The following RBM20 variants were observed in gnomAD, a reference collection of about 807,000 sequenced individuals.
RBM20 encodes RNA-binding protein 20.
RBM20 carries 51 observed loss-of-function variants against 110.1 expected under a neutral mutation model. The ratio of observed to expected loss-of-function variants is 0.46; its 90% CI spans 0.37 to 0.59. The LOEUF (loss-of-function observed/expected upper bound fraction) is 0.59, where lower values mean the gene tolerates loss of function less well. Ranked by LOEUF, RBM20 falls within the 20% of genes least tolerant of loss-of-function variation. The pLI, the probability that RBM20 is intolerant of heterozygous loss-of-function variation, is 0.00. For missense variants in RBM20, 1,512 were observed against 1,574.9 expected, an observed-to-expected ratio of 0.96 and a Z score of 0.68; for synonymous variants, 589 against 618.2, an observed-to-expected ratio of 0.95 and a Z score of 0.70.
chr10:110,800,836 T>C (rs1266857067), intron 7 of RBM20, among the ~76,000 whole-genome samples: 2 of 152,254 alleles, frequency 1.3e-5, no homozygotes, highest in Non-Finnish European at 2.9e-5. Context: ...CATGATGCCA[T>C]CCATGTTGTT....
At chr10:110,778,821 C>T (rs956598141) in intron 1 of RBM20, among the ~76,000 whole-genome samples, 7 of 152,236 alleles carry the variant, frequency 4.6e-5, no homozygotes, top group African/African-American at 1.7e-4. Flanking sequence ...AAAGTCTTTC[C>T]AGTTTCCAGA....
chr10:110,687,367 T>C (rs371771367), intron 1 of RBM20, among the ~76,000 whole-genome samples: 162 of 152,330 alleles, frequency 1.1e-3, no homozygotes, highest in African/African-American at 3.6e-3. Flanking sequence ...AATGATTAAG[T>C]TGGATGATGT....
intron 1 of RBM20, among the ~76,000 whole-genome samples, chr10:110,682,972 G>T (rs4918558): frequency 3.3e-5 from 5 of 152,092 alleles, no homozygotes; most frequent in Admixed American, 6.5e-5. Flanking sequence ...TTCCTCGCTT[G>T]TTTATTTATC....
In RBM20 at chr10:110,780,810, G is replaced by A. The variant is rs752370319; in HGVS notation, c.201G>A (p.Lys67=). The change falls in exon 2 of 14, where the codon AAG becomes AAA. Residue 67 remains lysine (K), a synonymous_variant. Coordinates refer to ENST00000369519, the MANE Select transcript of RBM20 (RefSeq NM_001134363.3). ...GLPQIIQNAA[K]LLDKNPFSVS... is the part of the protein sequence containing the mutation. ...CTCTGTCTTCCCACAGTGCCGCCAA[G>A]CTCCTGGACAAGAACCCATTCTCGG... 23 of 1,519,394 alleles carry A rather than the reference G, an allele frequency of 1.5e-5. No homozygotes were observed. In the South Asian group the frequency reaches 2.9e-4, roughly 19 times the overall value. 94.1% of individuals were successfully genotyped at this position (1,519,394 alleles called of 1,614,324 possible). A position where few individuals can be genotyped will look rare whatever the true frequency, so the allele number is the denominator to read the frequency against.
chr10:110,792,644 C>T (rs1205160347), intron 5 of RBM20, among the ~76,000 whole-genome samples: 1 of 152,198 alleles, frequency 6.6e-6, no homozygotes, highest in Non-Finnish European at 1.5e-5. Context: ...ATAAAACACA[C>T]ACTTGACATG....
chr10:110,713,117 A>G (rs1256441206), intron 1 of RBM20, among the ~76,000 whole-genome samples: 1 of 152,224 alleles, frequency 6.6e-6, no homozygotes, highest in African/African-American at 2.4e-5. Flanking sequence ...TAGTGTGAGA[A>G]TCACAGAAGA....
Position 110,708,348 on chromosome 10 carries a change from C to A in RBM20, c.191+63703C>A, listed in dbSNP as rs115375642. On this transcript the variant is annotated intron_variant, in intron 1 of 13. Coordinates refer to ENST00000369519, the MANE Select transcript of RBM20 (RefSeq NM_001134363.3). ...GAATTTTAATCCTAATCTTAACTAA[C>A]GTTTATCAGATTGTTTTTTTCTGTA... 3.6e-3 allele frequency among the ~76,000 whole-genome samples: 554 copies of A among 152,260 alleles called. 4 individuals are homozygous for A. Among genetic ancestry groups the A allele is most frequent in the African/African-American group, 0.012 (517 of 41,552 alleles).
At chr10:110,813,051 C>T (rs949758715) in intron 9 of RBM20, 104 bp downstream of exon 9, 1 of 832,464 alleles carries the variant, frequency 1.2e-6, no homozygotes, top group Non-Finnish European at 1.8e-6. Flanking sequence ...TGAACATTTA[C>T]TGGCTATTTA....
At chr10:110,765,325 T>C (rs549439480) in intron 1 of RBM20, among the ~76,000 whole-genome samples, 21 of 152,032 alleles carry the variant, frequency 1.4e-4, no homozygotes, top group African/African-American at 4.8e-4. Flanking sequence ...ACATCTCGTA[T>C]GTGTTGAGTG....
At chr10:110,766,142 T>TAA (rs1249625560) in intron 1 of RBM20, among the ~76,000 whole-genome samples, 1 of 152,168 alleles carries the variant, frequency 6.6e-6, no homozygotes, top group Non-Finnish European at 1.5e-5. Context: ...CTTTAACCAT[T>TAA]CTTTCTGGCC....
At chr10:110,696,990 C>T (rs772450456) in intron 1 of RBM20, among the ~76,000 whole-genome samples, 1 of 152,182 alleles carries the variant, frequency 6.6e-6, no homozygotes, top group African/African-American at 2.4e-5. Context: ...CCCATTCTTA[C>T]CTCTGTCATC....
intron 6 of RBM20, among the ~76,000 whole-genome samples, chr10:110,799,206 G>C (rs946973800): frequency 6.6e-6 from 1 of 152,158 alleles, no homozygotes; most frequent in Non-Finnish European, 1.5e-5. Flanking sequence ...AAGTTTTATA[G>C]GGATCAGCTC....
chr10:110,695,543 G>A (rs759381818), intron 1 of RBM20, among the ~76,000 whole-genome samples: 10 of 152,190 alleles, frequency 6.6e-5, no homozygotes, highest in South Asian at 2.1e-4. Context: ...CCCAGAGTAC[G>A]AAATCTACAA....
intron 1 of RBM20, among the ~76,000 whole-genome samples, chr10:110,716,889 C>G (rs968746883): frequency 6.7e-6 from 1 of 149,866 alleles, no homozygotes; most frequent in Admixed American, 6.6e-5. Context: ...TGCACTCCCG[C>G]CTCAGTGACA....
At chr10:110,717,702 CCA>C (rs952523962) in intron 1 of RBM20, among the ~76,000 whole-genome samples, 1 of 152,192 alleles carries the variant, frequency 6.6e-6, no homozygotes, top group African/African-American at 2.4e-5. Context: ...CATCTGCCTG[CCA>C]CAGTTTCCCA....
intron 1 of RBM20, among the ~76,000 whole-genome samples, chr10:110,679,585 G>A (rs1485708953): frequency 6.6e-6 from 1 of 152,204 alleles, no homozygotes; most frequent in Non-Finnish European, 1.5e-5. Flanking sequence ...CATCATGTAA[G>A]CCCCTATGTT....
At chr10:110,829,905 G>A (rs956918437) in intron 12 of RBM20, among the ~76,000 whole-genome samples, 2 of 152,208 alleles carry the variant, frequency 1.3e-5, no homozygotes, top group African/African-American at 4.8e-5. Flanking sequence ...CCCAGCAGAA[G>A]AGAGGCTTGC....
chr10:110,657,291 A>G (rs1862039776), intron 1 of RBM20, among the ~76,000 whole-genome samples: 1 of 151,568 alleles, frequency 6.6e-6, no homozygotes, highest in East Asian at 1.9e-4. Flanking sequence ...CTGGGATTAC[A>G]GGCATGAGCC....
intron 1 of RBM20, among the ~76,000 whole-genome samples, chr10:110,734,852 A>G (rs1843654457): frequency 6.6e-6 from 1 of 152,174 alleles, no homozygotes; most frequent in Non-Finnish European, 1.5e-5. Flanking sequence ...TTGGTCAACT[A>G]CAATCTGAAA....
Sources: gnomAD v4.1 joint callset for allele counts (sites outside exome capture counted in the v4.1 genomes callset) on GRCh38, gnomAD v4.1.1 for gene constraint, MANE v1.5 for transcripts, NCBI Gene and HGNC (gene_info 2026-07-23, HGNC 2026-07-21) for gene names.